The following PTPRO variants were observed in gnomAD, a reference collection of about 807,000 sequenced individuals.
PTPRO encodes the protein protein tyrosine phosphatase receptor type O, also known as receptor-type tyrosine-protein phosphatase O.
A neutral mutation model predicts 145.2 loss-of-function variants in PTPRO; 62 were observed. The ratio of observed to expected loss-of-function variants is 0.43; its 90% CI spans 0.35 to 0.53. The LOEUF (loss-of-function observed/expected upper bound fraction) is 0.53. PTPRO is among the 20% of genes least tolerant of loss of function. The pLI is 0.01. For missense variants in PTPRO, 1,345 were observed against 1,482.7 expected (o/e 0.91, Z 1.53); for synonymous variants, 565 against 514.7 (o/e 1.10, Z -1.32).
intron 1 of PTPRO, among the ~76,000 whole-genome samples, chr12:15,341,354 T>A (rs1455891168): frequency 6.6e-6 from 1 of 152,172 alleles, no homozygotes; most frequent in Non-Finnish European, 1.5e-5. Flanking sequence ...CTTTAGTATA[T>A]ATCCCACAGA....
chr12:15,591,872 C>A lies in PTPRO; in HGVS notation c.3546+2282C>A, dbSNP rs563913504. 2.8e-3 allele frequency among the ~76,000 whole-genome samples: 423 copies of A among 151,286 alleles called. 2 individuals carry two copies. Among genetic ancestry groups the A allele is most frequent in the Middle Eastern group, 6.8e-3 (2 of 292 alleles). ...GCAAGACTCCGTCTCAAAAAAAAAA[C>A]CCCATAAAATAATTAATTAAAATTA... On this transcript the variant is annotated intron_variant, in intron 25 of 26. Transcript: ENST00000281171.
chr12:15,485,829 C>A (rs1418103796), intron 2 of PTPRO, among the ~76,000 whole-genome samples: 1 of 152,092 alleles, frequency 6.6e-6, no homozygotes, highest in Non-Finnish European at 1.5e-5. Context: ...TTTTCTTTGA[C>A]CTGTAGGGCT....
chr12:15,421,578 G>A (rs1413351009), intron 1 of PTPRO, among the ~76,000 whole-genome samples: 1 of 152,164 alleles, frequency 6.6e-6, no homozygotes, highest in African/African-American at 2.4e-5. Context: ...TAATTTGCCA[G>A]CAGGTTTTTA....
At chr12:15,490,740 G>T (rs1212535604) in intron 2 of PTPRO, among the ~76,000 whole-genome samples, 1 of 152,126 alleles carries the variant, frequency 6.6e-6, no homozygotes, top group East Asian at 1.9e-4. Context: ...ATCAAGATAA[G>T]AAGTATCAAT....
intron 1 of PTPRO, among the ~76,000 whole-genome samples, chr12:15,357,120 A>G (rs1035295391): frequency 4.6e-5 from 7 of 152,240 alleles, no homozygotes; most frequent in Non-Finnish European, 7.3e-5. Flanking sequence ...GTATAAGCAG[A>G]CAGACTATTG....
intron 1 of PTPRO, among the ~76,000 whole-genome samples, chr12:15,477,551 A>G (rs1941683512): frequency 6.6e-6 from 1 of 152,162 alleles, no homozygotes; most frequent in Admixed American, 6.5e-5. Flanking sequence ...TGATGATGGT[A>G]GAGGAAGAAT....
intron 16 of PTPRO, among the ~76,000 whole-genome samples, chr12:15,558,244 T>C (rs947667045): frequency 6.6e-6 from 1 of 152,162 alleles, no homozygotes; most frequent in Non-Finnish European, 1.5e-5. Flanking sequence ...AGCATCTCCA[T>C]TTTAAACTCA....
In PTPRO at chr12:15,380,880, A is replaced by C. The variant is rs143877755; in HGVS notation, c.75+58079A>C. ...TCACTGGTCTTAGAAAGAACATTCA[A>C]TAATATTTGATAGGATTTTACCGCT... On this transcript the variant is annotated intron_variant, in intron 1 of 26. Transcript: ENST00000281171. Among the ~76,000 whole-genome samples, 174 of 152,300 alleles carry C rather than the reference A, an allele frequency of 1.1e-3. 1 individual carries two copies. The highest frequency in any genetic ancestry group is 4.0e-3 in the African/African-American group (165 of 41,588).
chr12:15,546,536 T>A (rs748607286), intron 12 of PTPRO, 33 bp from the exon 13 acceptor site: 1 of 1,553,660 alleles, frequency 6.4e-7, no homozygotes, highest in Non-Finnish European at 8.7e-7. Context: ...ACTTAGTAAA[T>A]TAAATTTTTT....
intron 15 of PTPRO, among the ~76,000 whole-genome samples, chr12:15,555,101 GGTGGCGGGTGCCT>G (rs1162160430): frequency 6.6e-5 from 10 of 152,104 alleles, no homozygotes; most frequent in African/African-American, 2.4e-4. Flanking sequence ...AGCCAGGCGT[GGTGGCGGGTGCCT>G]GTAATCCCAG....
At chr12:15,413,688 A>C (rs1024263704) in intron 1 of PTPRO, among the ~76,000 whole-genome samples, 2 of 151,912 alleles carry the variant, frequency 1.3e-5, no homozygotes, top group African/African-American at 4.8e-5. Flanking sequence ...GGTAGCGCAC[A>C]CCTGTAGTCC....
rs1263161275 is a variant in PTPRO, at chr12:15,560,369, G to T, written c.2711+93G>T. On this transcript the variant is annotated intron_variant, in intron 17 of 26. Transcript: ENST00000281171. ...AGGAAAGTTTCTTTTTAACTATTTT[G>T]TATGTTCAGTAACATCTAAAGTTAT... 13 of 928,994 alleles carry T rather than the reference G, an allele frequency of 1.4e-5. No individual in the cohort carries two copies. In the African/African-American group the frequency reaches 1.5e-4, roughly 10 times the overall value. 57.5% of individuals were successfully genotyped at this position (928,994 alleles called of 1,614,324 possible).
intron 23 of PTPRO, among the ~76,000 whole-genome samples, chr12:15,585,928 T>C (rs922321665): frequency 6.6e-6 from 1 of 152,170 alleles, no homozygotes; most frequent in Non-Finnish European, 1.5e-5. Flanking sequence ...ATTTGATGTA[T>C]GGGTTAATAG....
At chr12:15,389,963 T>C (rs1939143822) in intron 1 of PTPRO, among the ~76,000 whole-genome samples, 1 of 152,178 alleles carries the variant, frequency 6.6e-6, no homozygotes, top group Middle Eastern at 3.2e-3. Flanking sequence ...AAGTCTTATA[T>C]AAAGTTAGTT....
intron 1 of PTPRO, among the ~76,000 whole-genome samples, chr12:15,352,974 T>C (rs1222190891): frequency 6.6e-6 from 1 of 152,160 alleles, no homozygotes; most frequent in Non-Finnish European, 1.5e-5. Flanking sequence ...ATCCGGAAAA[T>C]ATGTCTTAGG....
chr12:15,508,838 A>T, intron 7 of PTPRO, 71 bp downstream of exon 7: 2 of 1,480,380 alleles, frequency 1.4e-6, no homozygotes, highest in Non-Finnish European at 1.9e-6. Flanking sequence ...AATGCCAAGG[A>T]GGCAATTGTA....
At chr12:15,512,120 T>TG (rs1035616862) in intron 7 of PTPRO, among the ~76,000 whole-genome samples, 2 of 152,076 alleles carry the variant, frequency 1.3e-5, no homozygotes, top group South Asian at 2.1e-4. Flanking sequence ...TGTTTGTTTT[T>TG]GGGGGGGTTA....
At chr12:15,473,919 C>A (rs952226020) in intron 1 of PTPRO, among the ~76,000 whole-genome samples, 3 of 151,998 alleles carry the variant, frequency 2.0e-5, no homozygotes, top group Non-Finnish European at 2.9e-5. Flanking sequence ...TGAGTTTTAG[C>A]AATTAGCCCT....
intron 1 of PTPRO, chr12:15,439,889 A>G (rs1940710713): frequency 3.1e-6 from 2 of 653,412 alleles, no homozygotes; most frequent in Non-Finnish European, 5.6e-6. Context: ...CCAGCACACC[A>G]AGTTCAAGGT....
Sources: allele counts gnomAD v4.1 joint callset (sites outside exome capture counted in the v4.1 genomes callset), GRCh38; gene constraint gnomAD v4.1.1; transcripts MANE v1.5; gene names NCBI Gene and HGNC (gene_info 2026-07-23, HGNC 2026-07-21).